Variants in CPEB4 observed in about 807,000 individuals in gnomAD.
CPEB4 encodes cytoplasmic polyadenylation element binding protein 4, also known as cytoplasmic polyadenylation element-binding protein 4.
CPEB4 carries 12 observed loss-of-function variants against 72.5 expected under a neutral mutation model. The ratio of observed to expected loss-of-function variants is 0.17; its 90% CI spans 0.11 to 0.27. The LOEUF (loss-of-function observed/expected upper bound fraction) is 0.27, where lower values mean the gene tolerates loss of function less well. Among genes scored for constraint, CPEB4 ranks in the 10% least tolerant of loss-of-function variants. The probability of loss-of-function intolerance (pLI) is 1.00; values close to 1 mark genes in which losing one functional copy is unlikely to be tolerated. For synonymous variants in CPEB4, 302 were observed against 326.3 expected (o/e 0.93, Z 0.80); for missense variants, 614 against 908.5 (o/e 0.68, Z 4.17).
At chr5:173,920,377 C>T (rs922695554) in intron 2 of CPEB4, among the ~76,000 whole-genome samples, 1 of 152,142 alleles carries the variant, frequency 6.6e-6, no homozygotes, top group Non-Finnish European at 1.5e-5. Flanking sequence ...GAAGAGCAGC[C>T]CTGATTAATT....
rs1411192971 is a variant in CPEB4 at position 173,960,172 on chromosome 5, A to T, written c.*4035A>T. 6.6e-6 allele frequency: 1 copy of T among 152,624 alleles called. No homozygotes were observed. The highest frequency in any genetic ancestry group is 1.9e-4 in the East Asian group (1 of 5,302). The allele number at this position is 152,624 out of a possible 1,614,324, so 9.5% of individuals were successfully genotyped here. On this transcript the variant is annotated 3_prime_UTR_variant, in exon 10 of 10. Coordinates refer to ENST00000265085, the MANE Select transcript of CPEB4 (RefSeq NM_030627.4). ...AGTTATATAACACAGTTCCTTTTTT[A>T]AAAGAGTTCATTTGTTGAAGTGCTA... is the stretch of plus-strand genomic sequence containing the variant.
At position 173,951,884 on chromosome 5, in the gene CPEB4, C is replaced by T. The variant is rs1758226785; in HGVS notation, c.1726C>T (p.Leu576Phe). 1 of 1,613,844 alleles carries T rather than the reference C, an allele frequency of 6.2e-7. No homozygotes were observed. Among genetic ancestry groups the T allele is most frequent in the African/African-American group, 1.3e-5 (1 of 74,896 alleles). ...CTTTGTGATGGATGGTTCACAGCCA[C>T]TTGACCCACGAAAAACTATATTTGT... is the stretch of plus-strand genomic sequence containing the variant. The part of the protein sequence containing the change: ...SDFVMDGSQP[L>F]DPRKTIFVGG... The change falls in exon 8 of 10, where the codon CTT (leucine) becomes TTT (phenylalanine). Residue 576 changes from leucine (L) to phenylalanine (F), a missense_variant. Transcript: ENST00000265085.
rs1032835943 is a variant in CPEB4 at position 173,961,879 on chromosome 5, C to T, written c.*5742C>T. On this transcript the variant is annotated 3_prime_UTR_variant, in exon 10 of 10. Coordinates refer to ENST00000265085, the MANE Select transcript of CPEB4 (RefSeq NM_030627.4). ...TGTAATAACCGAATAATAAACAAGA[C>T]AAAACTCTAATATTTCAGACTGTGA... 4.0e-5 allele frequency: 6 copies of T among 151,506 alleles called. No homozygotes were observed. Among genetic ancestry groups the T allele is most frequent in the Non-Finnish European group, 8.8e-5 (6 of 67,854 alleles). 9.4% of individuals were successfully genotyped at this position (151,506 alleles called of 1,614,324 possible).
rs762173034 is a variant in CPEB4 at position 173,951,814 on chromosome 5, C to T, written c.1666-10C>T. 6.4e-7 allele frequency: 1 copy of T among 1,570,992 alleles called. No individual in the cohort carries two copies. The highest frequency in any genetic ancestry group is 2.2e-5 in the East Asian group (1 of 44,670). ...TGAGAATGAGACATTTTGGTTTGTA[C>T]ATTCCCTAGGTCCAGATTCGGCCTT... On this transcript the variant is annotated splice_polypyrimidine_tract_variant and intron_variant, in intron 7 of 9. Coordinates refer to ENST00000265085, the MANE Select transcript of CPEB4 (RefSeq NM_030627.4).
At chr5:173,948,048 G>A (rs1412960407) in intron 5 of CPEB4, among the ~76,000 whole-genome samples, 1 of 152,006 alleles carries the variant, frequency 6.6e-6, no homozygotes, top group Non-Finnish European at 1.5e-5. Flanking sequence ...GACAAATTGA[G>A]CATCAAAATA....
At chr5:173,903,792 T>G (rs1447264950) in intron 1 of CPEB4, among the ~76,000 whole-genome samples, 2 of 152,336 alleles carry the variant, frequency 1.3e-5, no homozygotes, top group East Asian at 1.9e-4. Context: ...TATATACTGA[T>G]GTAGGTCTTC....
chr5:173,907,044 G>A (rs764350862), intron 1 of CPEB4, among the ~76,000 whole-genome samples: 5 of 152,122 alleles, frequency 3.3e-5, no homozygotes, highest in East Asian at 3.9e-4. Context: ...CAAGGTGGGC[G>A]GATCACAAGG....
chr5:173,893,352 C>T (rs1004299836), intron 1 of CPEB4, among the ~76,000 whole-genome samples: 5 of 152,048 alleles, frequency 3.3e-5, no homozygotes, highest in Admixed American at 1.3e-4. Context: ...CTTGCAGGCA[C>T]GTGCCTGTAA....
chr5:173,896,940 C>T (rs2113129890), intron 1 of CPEB4, among the ~76,000 whole-genome samples: 1 of 152,246 alleles, frequency 6.6e-6, no homozygotes, highest in East Asian at 1.9e-4. Flanking sequence ...TAATACCTAA[C>T]AGTGAAGGGT....
intron 1 of CPEB4, among the ~76,000 whole-genome samples, chr5:173,903,834 G>A (rs1025562358): frequency 6.6e-6 from 1 of 152,038 alleles, no homozygotes; most frequent in African/African-American, 2.4e-5. Context: ...TATTATTCAG[G>A]TGTATACTAA....
chr5:173,951,528 T>C (rs1758215989), intron 7 of CPEB4, among the ~76,000 whole-genome samples: 1 of 152,198 alleles, frequency 6.6e-6, no homozygotes, highest in South Asian at 2.1e-4. Context: ...TTGGACAGAC[T>C]AAAGGCCCAA....
chr5:173,927,022 G>GT (rs1434398668), intron 2 of CPEB4, among the ~76,000 whole-genome samples: 1 of 152,084 alleles, frequency 6.6e-6, no homozygotes, highest in Non-Finnish European at 1.5e-5. Flanking sequence ...ATGATGGCGG[G>GT]TGCCAGTAAT....
At chr5:173,914,782 G>A (rs181746464) in intron 2 of CPEB4, among the ~76,000 whole-genome samples, 14 of 152,050 alleles carry the variant, frequency 9.2e-5, no homozygotes, top group South Asian at 2.1e-4. Flanking sequence ...AAGAAAATTC[G>A]TGTTAATTCT....
At chr5:173,902,047 C>G (rs1431996157) in intron 1 of CPEB4, among the ~76,000 whole-genome samples, 1 of 152,106 alleles carries the variant, frequency 6.6e-6, no homozygotes, top group South Asian at 2.1e-4. Flanking sequence ...ATAGTCCACT[C>G]TTGATGATCT....
intron 1 of CPEB4, among the ~76,000 whole-genome samples, chr5:173,905,374 C>A (rs142768255): frequency 8.1e-4 from 122 of 151,388 alleles, no homozygotes; most frequent in African/African-American, 2.9e-3. Context: ...CTCGCTCTAA[C>A]GCCAGGCTGG....
In CPEB4 at chr5:173,950,702, A is replaced by G. The variant is rs896254391; in HGVS notation, c.1665+624A>G. 6.6e-6 allele frequency among the ~76,000 whole-genome samples: 1 copy of G among 152,202 alleles called. No homozygotes were observed. Among genetic ancestry groups the G allele is most frequent in the Non-Finnish European group, 1.5e-5 (1 of 68,032 alleles). On this transcript the variant is annotated intron_variant, in intron 7 of 9. Coordinates refer to ENST00000265085, the MANE Select transcript of CPEB4 (RefSeq NM_030627.4). The surrounding 1 kb of genome is among the most constrained non-coding windows in gnomAD (Gnocchi z 5.0). ...GAATCAACTCTGAATAACGGAACTC[A>G]AATCACAAATACTATGTGTACGTCT... is the stretch of plus-strand genomic sequence containing the variant.
At chr5:173,941,475 TACTC>T (rs573261498) in intron 3 of CPEB4, among the ~76,000 whole-genome samples, 55 of 152,238 alleles carry the variant, frequency 3.6e-4, no homozygotes, top group Non-Finnish European at 6.6e-4. Flanking sequence ...CTTTGGAAGA[TACTC>T]ACATAATATT....
intron 3 of CPEB4, among the ~76,000 whole-genome samples, chr5:173,938,675 A>T (rs556326645): frequency 6.6e-6 from 1 of 152,218 alleles, no homozygotes; most frequent in Non-Finnish European, 1.5e-5. Context: ...CCCGAATAGG[A>T]TCCGTTTTTT....
intron 1 of CPEB4, among the ~76,000 whole-genome samples, chr5:173,905,660 A>G (rs976270350): frequency 7.9e-5 from 12 of 152,112 alleles, no homozygotes; most frequent in Non-Finnish European, 1.6e-4. Context: ...TTTTCTTACT[A>G]ATTGATCACT....
Sources: allele counts gnomAD v4.1 joint callset (sites outside exome capture counted in the v4.1 genomes callset), GRCh38; gene constraint gnomAD v4.1.1; non-coding constraint Gnocchi (gnomAD v3.1); transcripts MANE v1.5; gene names NCBI Gene and HGNC (gene_info 2026-07-23, HGNC 2026-07-21).